ITGB8: variants seen among roughly 807,000 people sequenced by gnomAD.
ITGB8 encodes integrin subunit beta 8.
In ITGB8, 30 loss-of-function variants were observed where a neutral mutation model predicts 89.5. That is an observed-to-expected ratio of 0.34 (90% CI 0.25 to 0.45). The LOEUF (loss-of-function observed/expected upper bound fraction) is 0.45. Ranked by LOEUF, ITGB8 falls within the 20% of genes least tolerant of loss-of-function variation. The pLI is 1.00. For synonymous variants in ITGB8, 335 were observed against 320.4 expected (o/e 1.05, Z -0.49); for missense variants, 836 against 933.3 (o/e 0.90, Z 1.36).
chr7:20,331,355 A>C lies in ITGB8; in HGVS notation c.-452A>C. 8.6e-5 allele frequency: 32 copies of C among 373,518 alleles called. No homozygotes were observed. Among genetic ancestry groups the C allele is most frequent in the East Asian group, 1.2e-4 (3 of 25,580 alleles). 23.1% of individuals were successfully genotyped at this position (373,518 alleles called of 1,614,324 possible). ...CCACAGATCCAGCATCACCCAGTGA[A>C]TGTACATTAGGGTGGTTTCCCCCCC... On this transcript the variant is annotated 5_prime_UTR_variant, in exon 1 of 14. The change abolishes an upstream ATG in the 5' untranslated region. Transcript: ENST00000222573.
At chr7:20,376,790 A>C (rs1387308044) in intron 3 of ITGB8, among the ~76,000 whole-genome samples, 1 of 152,218 alleles carries the variant, frequency 6.6e-6, no homozygotes, top group Non-Finnish European at 1.5e-5. Flanking sequence ...ATCAATTATT[A>C]TTCTTGCTAG....
intron 2 of ITGB8, chr7:20,366,769 C>G (rs1329962121): frequency 2.6e-6 from 1 of 385,608 alleles, no homozygotes; most frequent in African/African-American, 2.2e-5. Flanking sequence ...GTCTCCGACA[C>G]AGAAAAAAAA....
intron 1 of ITGB8, among the ~76,000 whole-genome samples, chr7:20,349,976 A>T (rs1169652989): frequency 6.6e-6 from 1 of 152,208 alleles, no homozygotes; most frequent in Non-Finnish European, 1.5e-5. Context: ...AACGTACAGA[A>T]CCCTTCCACC....
Position 20,415,302 on chromosome 7 carries a change from A to G in ITGB8, c.*5305A>G, listed in dbSNP as rs1787892160. Reference sequence around the variant, plus strand: ...TTCTGAAAAAAATTAGAAATGTATTAAACTTATCAGTAACATAAAAACTTA... The same window carrying G: ...TTCTGAAAAAAATTAGAAATGTATTGAACTTATCAGTAACATAAAAACTTA... On this transcript the variant is annotated 3_prime_UTR_variant, in exon 14 of 14. Coordinates refer to ENST00000222573, the MANE Select transcript of ITGB8 (RefSeq NM_002214.3). 1 of 151,932 alleles carries G rather than the reference A, an allele frequency of 6.6e-6. No homozygotes were observed. The highest frequency in any genetic ancestry group is 1.5e-5 in the Non-Finnish European group (1 of 67,892). The allele number at this position is 151,932 out of a possible 1,614,324, so 9.4% of individuals were successfully genotyped here.
chr7:20,408,790 G>C (rs1191188270), intron 12 of ITGB8, among the ~76,000 whole-genome samples: 9 of 151,968 alleles, frequency 5.9e-5, no homozygotes. Flanking sequence ...TGGCTGTGAG[G>C]GTGTGCCAAA....
At position 20,331,280 on chromosome 7, in the gene ITGB8, G is replaced by A. The variant is rs938639318; in HGVS notation, c.-527G>A. On this transcript the variant is annotated 5_prime_UTR_variant, in exon 1 of 14. Transcript: ENST00000222573. ...GCCCACCTGTGGAAGCAACTGCGCT[G>A]ATTGATGCGCCACAGACTTTTTTCC... 5 of 341,342 alleles carry A rather than the reference G, an allele frequency of 1.5e-5. No individual in the cohort carries two copies. The highest frequency in any genetic ancestry group is 1.1e-4 in the African/African-American group (5 of 47,396). 21.1% of individuals were successfully genotyped at this position (341,342 alleles called of 1,614,324 possible). A position where few individuals can be genotyped will look rare whatever the true frequency, so the allele number is the denominator to read the frequency against.
At position 20,380,818 on chromosome 7, in the gene ITGB8, C is replaced by G; in HGVS notation, c.788C>G (p.Ala263Gly). ...GGAGGTTTTGACGCCATGCTTCAGG[C>G]AGCTGTCTGTGAAGTAAGACGTTTC... ...PEGGFDAMLQAAVCESHIGWR... is the reference protein window; with the variant it reads ...PEGGFDAMLQGAVCESHIGWR... Residue 263 changes from alanine (A) to glycine (G), a missense_variant, in exon 5 of 14, where the codon GCA becomes GGA. By Grantham distance (60) the Ala-to-Gly change is moderately conservative (BLOSUM62 0). Transcript: ENST00000222573. 2 of 1,612,194 alleles carry G rather than the reference C, an allele frequency of 1.2e-6. No individual in the cohort carries two copies. The highest frequency in any genetic ancestry group is 1.7e-6 in the Non-Finnish European group (2 of 1,178,966).
chr7:20,348,217 TATG>T (rs1176025218), intron 1 of ITGB8, among the ~76,000 whole-genome samples: 1 of 152,174 alleles, frequency 6.6e-6, no homozygotes, highest in Non-Finnish European at 1.5e-5. Flanking sequence ...AGTGAAAACA[TATG>T]ATGGAAAGTC....
chr7:20,382,076 A>G, intron 6 of ITGB8, 191 bp downstream of exon 6: 1 of 450,762 alleles, frequency 2.2e-6, no homozygotes. Flanking sequence ...TATGAATAAA[A>G]CAGTTTGACA....
intron 1 of ITGB8, among the ~76,000 whole-genome samples, chr7:20,360,421 G>A (rs1239639770): frequency 2.2e-5 from 3 of 138,886 alleles, no homozygotes; most frequent in East Asian, 2.4e-4. Flanking sequence ...GTATGGTGAT[G>A]AAGTCTGGGC....
chr7:20,398,754 G>T, intron 8 of ITGB8, 106 bp from the exon 9 acceptor site: 1 of 723,712 alleles, frequency 1.4e-6, no homozygotes, highest in South Asian at 4.7e-5. Flanking sequence ...CAGACTCTTT[G>T]ATCTAGTTAA....
intron 1 of ITGB8, among the ~76,000 whole-genome samples, chr7:20,355,347 C>T (rs1173341334): frequency 6.6e-6 from 1 of 152,174 alleles, no homozygotes. Flanking sequence ...ACTGCCTGTC[C>T]CAGTAAATCA....
chr7:20,383,428 A>G (rs1179980655), intron 6 of ITGB8, among the ~76,000 whole-genome samples: 2 of 152,058 alleles, frequency 1.3e-5, no homozygotes, highest in African/African-American at 4.8e-5. Flanking sequence ...CTTTCCTTCT[A>G]TTTAACCTCT....
At chr7:20,393,212 C>T (rs756751027) in intron 7 of ITGB8, among the ~76,000 whole-genome samples, 32 of 152,184 alleles carry the variant, frequency 2.1e-4, no homozygotes, top group Non-Finnish European at 3.4e-4. Context: ...AACATTATTT[C>T]TTGGCAGCAT....
intron 1 of ITGB8, among the ~76,000 whole-genome samples, chr7:20,360,915 C>CTTTTTTTTTTTTTT (rs1167974755): frequency 7.4e-5 from 6 of 80,876 alleles, no homozygotes; most frequent in Non-Finnish European, 1.1e-4. Context: ...CAACTGCAGT[C>CTTTTTTTTTTTTTT]TTTTTTTTTT....
upstream of ITGB8, among the ~76,000 whole-genome samples, chr7:20,330,011 C>G (rs948735362): frequency 9.2e-5 from 14 of 152,188 alleles, no homozygotes; most frequent in African/African-American, 3.4e-4. Flanking sequence ...GCTCCCCTCT[C>G]CCCGCTTTGC....
rs1382179082 is a variant in ITGB8 at position 20,414,127 on chromosome 7, G to C, written c.*4130G>C. On this transcript the variant is annotated 3_prime_UTR_variant, in exon 14 of 14. Coordinates refer to ENST00000222573, the MANE Select transcript of ITGB8 (RefSeq NM_002214.3). Reference sequence around the variant, plus strand: ...CTTCAGATGCAGTGTTTAAAATTATGCTTGAATAAATATTACACTAATCCA... The same window carrying C: ...CTTCAGATGCAGTGTTTAAAATTATCCTTGAATAAATATTACACTAATCCA... 2.6e-5 allele frequency: 4 copies of C among 152,062 alleles called. No individual in the cohort carries two copies. Among genetic ancestry groups the C allele is most frequent in the South Asian group, 2.1e-4 (1 of 4,824 alleles). The allele number at this position is 152,062 out of a possible 1,614,324, so 9.4% of individuals were successfully genotyped here.
rs1197307822 is a variant in ITGB8 at position 20,411,934 on chromosome 7, A to C, written c.*1937A>C. 6.6e-6 allele frequency: 1 copy of C among 152,604 alleles called. No homozygotes were observed. The highest frequency in any genetic ancestry group is 1.5e-5 in the Non-Finnish European group (1 of 68,032). The allele number at this position is 152,604 out of a possible 1,614,324, so 9.5% of individuals were successfully genotyped here. Reference sequence around the variant, plus strand: ...ACACTTACCTTATCCCTATGGACTTAGTCTGATTTTATTGGCTAGGAGTCT... The same window carrying C: ...ACACTTACCTTATCCCTATGGACTTCGTCTGATTTTATTGGCTAGGAGTCT... On this transcript the variant is annotated 3_prime_UTR_variant, in exon 14 of 14. Coordinates refer to ENST00000222573, the MANE Select transcript of ITGB8 (RefSeq NM_002214.3).
In ITGB8 at chr7:20,410,001, A is replaced by G; in HGVS notation, c.*4A>G. 1 of 1,604,606 alleles carries G rather than the reference A, an allele frequency of 6.2e-7. No homozygotes were observed. Among genetic ancestry groups the G allele is most frequent in the Non-Finnish European group, 8.5e-7 (1 of 1,176,878 alleles). ...AACTTTCAGGTGCAACTTCTAAAAA[A>G]AGATTTTTAAACACTTAATGGGAAA... On this transcript the variant is annotated 3_prime_UTR_variant, in exon 14 of 14. Transcript: ENST00000222573.
Sources: gnomAD v4.1 joint callset for allele counts (sites outside exome capture counted in the v4.1 genomes callset) on GRCh38, gnomAD v4.1.1 for gene constraint, MANE v1.5 for transcripts, NCBI Gene and HGNC (gene_info 2026-07-23, HGNC 2026-07-21) for gene names.